FRMD5: variants seen among roughly 807,000 people sequenced by gnomAD.
The protein encoded by FRMD5 is FERM domain-containing protein 5.
In FRMD5, 20 loss-of-function variants were observed where a neutral mutation model predicts 69.0. That is an observed-to-expected ratio of 0.29 (90% confidence interval 0.20 to 0.42). FRMD5 has a LOEUF of 0.42. Ranked by LOEUF, FRMD5 falls within the 10% of genes least tolerant of loss-of-function variation. The pLI is 1.00. For missense variants in FRMD5, 595 were observed against 708.6 expected, an observed-to-expected ratio of 0.84 and a Z score of 1.82; for synonymous variants, 271 against 260.1, an observed-to-expected ratio of 1.04 and a Z score of -0.40.
At chr15:44,018,396 T>G (rs2140243354) in intron 1 of FRMD5, among the ~76,000 whole-genome samples, 1 of 152,326 alleles carries the variant, frequency 6.6e-6, no homozygotes, top group South Asian at 2.1e-4. Context: ...CTACTCTTAA[T>G]GGCTGTCTGC....
chr15:43,947,840 C>G (rs566387436), intron 1 of FRMD5, among the ~76,000 whole-genome samples: 16 of 152,328 alleles, frequency 1.1e-4, no homozygotes, highest in Non-Finnish European at 1.5e-4. Flanking sequence ...CATTTCAAAC[C>G]CCTCCAGTAC....
chr15:44,191,738 G>A (rs527373594), intron 1 of FRMD5, among the ~76,000 whole-genome samples: 34 of 151,354 alleles, frequency 2.2e-4, no homozygotes, highest in African/African-American at 8.2e-4. Flanking sequence ...GCAAGATCCC[G>A]TTTCTTAAAA....
chr15:44,184,273 G>T (rs1018187351), intron 1 of FRMD5, among the ~76,000 whole-genome samples: 1 of 152,096 alleles, frequency 6.6e-6, no homozygotes, highest in Non-Finnish European at 1.5e-5. Context: ...GTCACATTGG[G>T]TCTATTAATC....
chr15:44,010,720 A>T (rs1890679960), intron 1 of FRMD5, among the ~76,000 whole-genome samples: 1 of 152,146 alleles, frequency 6.6e-6, no homozygotes, highest in Non-Finnish European at 1.5e-5. Context: ...CCTACAAATG[A>T]TATTCTTGAC....
chr15:44,135,858 C>G (rs1400681535), intron 1 of FRMD5, among the ~76,000 whole-genome samples: 2 of 149,258 alleles, frequency 1.3e-5, no homozygotes, highest in Non-Finnish European at 3.0e-5. Flanking sequence ...AAATCAAAGG[C>G]AACAAGGAGA....
intron 1 of FRMD5, among the ~76,000 whole-genome samples, chr15:44,181,413 A>G (rs546485393): frequency 1.2e-4 from 18 of 152,250 alleles, no homozygotes; most frequent in African/African-American, 4.1e-4. Flanking sequence ...GAGATGTCCC[A>G]TGTGCCCTTC....
intron 1 of FRMD5, among the ~76,000 whole-genome samples, chr15:43,969,886 C>T (rs1036088217): frequency 4.6e-5 from 7 of 152,248 alleles, no homozygotes; most frequent in African/African-American, 1.2e-4. Context: ...ATTGGAGTTA[C>T]GGAATTTTAT....
chr15:44,031,179 G>T (rs1278498366), intron 1 of FRMD5, among the ~76,000 whole-genome samples: 5 of 152,004 alleles, frequency 3.3e-5, no homozygotes, highest in African/African-American at 1.2e-4. Flanking sequence ...TAGAATAGTG[G>T]TGTAGATGAA....
chr15:43,974,369 C>T (rs2090432790), intron 1 of FRMD5, among the ~76,000 whole-genome samples: 1 of 152,118 alleles, frequency 6.6e-6, no homozygotes, highest in African/African-American at 2.4e-5. Flanking sequence ...TTTTTGGACT[C>T]CTATCCAGTT....
intron 1 of FRMD5, among the ~76,000 whole-genome samples, chr15:44,022,842 T>A (rs1359836476): frequency 2.6e-5 from 4 of 152,112 alleles, no homozygotes; most frequent in Admixed American, 2.0e-4. Context: ...TAGCACTATT[T>A]CCACAGCTGC....
chr15:44,160,935 T>C (rs1288142624), intron 1 of FRMD5, among the ~76,000 whole-genome samples: 1 of 152,210 alleles, frequency 6.6e-6, no homozygotes, highest in East Asian at 1.9e-4. Context: ...TTGTTGGGGA[T>C]GCATTAATTT....
At chr15:44,034,088 G>A (rs1891806281) in intron 1 of FRMD5, among the ~76,000 whole-genome samples, 1 of 152,162 alleles carries the variant, frequency 6.6e-6, no homozygotes, top group Non-Finnish European at 1.5e-5. Context: ...CTGGAATTTA[G>A]CCAGGCTGCT....
intron 4 of FRMD5, among the ~76,000 whole-genome samples, chr15:43,910,587 A>AAAG (rs2089269553): frequency 6.6e-6 from 1 of 151,294 alleles, no homozygotes; most frequent in Non-Finnish European, 1.5e-5. Context: ...AAAAAAAAAA[A>AAAG]AAAAAAAAAA....
chr15:43,883,112 C>CT (rs1337334244), intron 13 of FRMD5, among the ~76,000 whole-genome samples: 3,632 of 142,648 alleles, frequency 0.025, 147 homozygotes, highest in African/African-American at 0.084. Flanking sequence ...TTAAAAAATT[C>CT]TTTTTTTTTT....
At chr15:44,151,408 A>G (rs868866898) in intron 1 of FRMD5, among the ~76,000 whole-genome samples, 2 of 151,592 alleles carry the variant, frequency 1.3e-5, no homozygotes, top group South Asian at 2.1e-4. Flanking sequence ...AAAAAAAAAA[A>G]AAAGAAAGAA....
intron 1 of FRMD5, among the ~76,000 whole-genome samples, chr15:44,068,779 A>G (rs1893414856): frequency 6.6e-6 from 1 of 152,220 alleles, no homozygotes. Flanking sequence ...AAAGATTGCT[A>G]GCAAGTTTAG....
chr15:43,893,875 A>G (rs985974028), intron 7 of FRMD5, among the ~76,000 whole-genome samples: 1 of 152,226 alleles, frequency 6.6e-6, no homozygotes, highest in Non-Finnish European at 1.5e-5. Flanking sequence ...CCTTAAAACT[A>G]TCTCTCAGAG....
intron 1 of FRMD5, among the ~76,000 whole-genome samples, chr15:44,071,225 C>T (rs141576854): frequency 6.6e-6 from 1 of 152,280 alleles, no homozygotes; most frequent in African/African-American, 2.4e-5. Flanking sequence ...GTGCCTTCCT[C>T]TGAGTACACC....
intron 1 of FRMD5, among the ~76,000 whole-genome samples, chr15:44,117,989 T>C (rs988684660): frequency 8.3e-5 from 12 of 144,400 alleles, no homozygotes; most frequent in Non-Finnish European, 1.8e-4. Context: ...CTTTCTTTTT[T>C]ACTTTTTTTT....
Sources: allele counts gnomAD v4.1 joint callset (sites outside exome capture counted in the v4.1 genomes callset), GRCh38; gene constraint gnomAD v4.1.1; transcripts MANE v1.5; gene names NCBI Gene and HGNC (gene_info 2026-07-23, HGNC 2026-07-21).